The following ACTR5 variants were observed in gnomAD, a reference collection of about 807,000 sequenced individuals.
The protein encoded by ACTR5 is actin related protein 5, also known as actin-related protein 5.
A neutral mutation model predicts 61.2 loss-of-function variants in ACTR5; 43 were observed. The ratio of observed to expected loss-of-function variants is 0.70; its 90% CI spans 0.55 to 0.91. ACTR5 has a LOEUF of 0.91. ACTR5 is among the 40% of genes least tolerant of loss of function. The pLI is 0.00. For synonymous variants in ACTR5, 333 were observed against 310.5 expected, an observed-to-expected ratio of 1.07 and a Z score of -0.76; for missense variants, 798 against 782.2, an observed-to-expected ratio of 1.02 and a Z score of -0.24.
Position 38,750,378 on chromosome 20 carries a change from C to T in ACTR5, c.605+139C>T, listed in dbSNP as rs573901205. 7.3e-4 allele frequency: 511 copies of T among 701,698 alleles called. 3 individuals carry two copies. Among genetic ancestry groups the T allele is most frequent in the South Asian group, 6.7e-3 (357 of 53,126 alleles). The allele number at this position is 701,698 out of a possible 1,614,324, so 43.5% of individuals were successfully genotyped here. On this transcript the variant is annotated intron_variant, in intron 2 of 8. Transcript: ENST00000243903. The stretch of plus-strand genomic sequence containing the variant: ...GCCGTTGGGCTTAGCTTTGAACTAC[C>T]TCACTGTGTGACTGGGTAAGTCCCT...
At chr20:38,755,416 G>T (rs2084414140) in intron 4 of ACTR5, among the ~76,000 whole-genome samples, 1 of 152,112 alleles carries the variant, frequency 6.6e-6, no homozygotes, top group Non-Finnish European at 1.5e-5. Flanking sequence ...TTTAAACTTT[G>T]TAAGTGTAGC....
Position 38,752,306 on chromosome 20 carries a change from C to G in ACTR5, c.775+6C>G. ...CGCTGAGGATTATGTGGAAGGTATC[C>G]AAGAGGATGTTTGCCTGCAGCTTTT... On this transcript the variant is annotated splice_donor_region_variant and intron_variant, in intron 3 of 8. Transcript: ENST00000243903. The G allele has an allele frequency of 1.3e-6, 2 of 1,582,872 alleles. No homozygotes were observed. Among genetic ancestry groups the G allele is most frequent in the Non-Finnish European group, 1.7e-6 (2 of 1,158,032 alleles).
At chr20:38,770,277 A>G (rs189534879) in intron 8 of ACTR5, among the ~76,000 whole-genome samples, 2 of 152,346 alleles carry the variant, frequency 1.3e-5, no homozygotes, top group Admixed American at 1.3e-4. Context: ...GAACCCCAAG[A>G]TGTGCAAATT....
Position 38,771,579 on chromosome 20 carries a change from T to G in ACTR5, c.1587T>G (p.Pro529=), listed in dbSNP as rs1400478810. 1.9e-6 allele frequency: 3 copies of G among 1,613,776 alleles called. No homozygotes were observed. The South Asian group carries it at 3.3e-5, about 18-fold the overall frequency. Reference sequence around the variant, plus strand: ...TTCAGGTTCAACTTGCCTCGAACCCTGTGCTGGATGCCTGGTACGGTGCTC... The same window carrying G: ...TTCAGGTTCAACTTGCCTCGAACCCGGTGCTGGATGCCTGGTACGGTGCTC... ...SSFQVQLASN[P]VLDAWYGARD... The change falls in exon 9 of 9, where the codon CCT becomes CCG. Residue 529 remains proline (P), a synonymous_variant. Coordinates refer to ENST00000243903, the MANE Select transcript of ACTR5 (RefSeq NM_024855.4).
chr20:38,748,521 C>T lies in ACTR5; in HGVS notation c.43C>T (p.Pro15Ser), dbSNP rs929447779. 12 of 1,504,284 alleles carry T rather than the reference C, an allele frequency of 8.0e-6. No individual in the cohort carries two copies. The highest frequency in any genetic ancestry group is 1.2e-5 in the South Asian group (1 of 80,242). The allele number at this position is 1,504,284 out of a possible 1,614,324, so 93.2% of individuals were successfully genotyped here. ...CCCGTTCCGCGACGCCCGTGCCGCA[C>T]CGGACCCAGTGCTGGAGGCCGGCCC... Reference protein sequence around the residue: ...VFPFRDARAAPDPVLEAGPVA... With the variant: ...VFPFRDARAASDPVLEAGPVA... The change falls in exon 1 of 9, where the codon CCG becomes TCG. Residue 15 changes from proline to serine, a missense_variant. Pro to Ser is a moderately conservative substitution (Grantham distance 74, BLOSUM62 -1). Transcript: ENST00000243903.
At position 38,748,846 on chromosome 20, in the gene ACTR5, C is replaced by T; in HGVS notation, c.368C>T (p.Ser123Phe). 1.2e-6 allele frequency: 2 copies of T among 1,606,608 alleles called. No individual in the cohort carries two copies. The highest frequency in any genetic ancestry group is 1.7e-5 in the Admixed American group (1 of 59,546). The change falls in exon 1 of 9, where the codon TCC (serine) becomes TTC (phenylalanine). Residue 123 changes from serine (S) to phenylalanine (F), a missense_variant. Physicochemically the swap from Ser to Phe is radical, Grantham distance 155. Coordinates refer to ENST00000243903, the MANE Select transcript of ACTR5 (RefSeq NM_024855.4). ...LDYSFQHLGV[S>F]SQGCVDHPIV... The stretch of plus-strand genomic sequence containing the variant: ...TACAGCTTCCAGCACCTGGGTGTCT[C>T]CTCACAGGTGAAGGGCGGAGTAGGC...
chr20:38,757,000 A>G (rs186165176), intron 5 of ACTR5, among the ~76,000 whole-genome samples: 30 of 152,340 alleles, frequency 2.0e-4, no homozygotes, highest in Non-Finnish European at 3.5e-4. Context: ...TCATAGCTCA[A>G]TATAACCTCA....
chr20:38,766,258 A>G lies in ACTR5; in HGVS notation c.1314A>G (p.Ala438=), dbSNP rs759541539. ...TAAAGCCCGTGTTTAACTTGGCAGC[A>G]TATCATCAGCTATTTGTTGGGACAG... ...TTVQPVFNLA[A]YHQLFVGTER... is the part of the protein sequence containing the mutation. The change falls in exon 7 of 9, where the codon GCA becomes GCG. Residue 438 remains alanine (A), a synonymous_variant. Coordinates refer to ENST00000243903, the MANE Select transcript of ACTR5 (RefSeq NM_024855.4). 7.4e-6 allele frequency: 12 copies of G among 1,612,540 alleles called. No homozygotes were observed. Among genetic ancestry groups the G allele is most frequent in the African/African-American group, 4.0e-5 (3 of 74,874 alleles).
chr20:38,748,539 G>T lies in ACTR5; in HGVS notation c.61G>T (p.Ala21Ser). ...ARAAPDPVLE[A>S]GPVAHGPLPV... The stretch of plus-strand genomic sequence containing the variant: ...TGCCGCACCGGACCCAGTGCTGGAG[G>T]CCGGCCCGGTGGCACACGGGCCACT... Residue 21 changes from alanine (A) to serine (S), a missense_variant, in exon 1 of 9, where the codon GCC becomes TCC. Physicochemically the swap from Ala to Ser is moderately conservative, Grantham distance 99. Coordinates refer to ENST00000243903, the MANE Select transcript of ACTR5 (RefSeq NM_024855.4). 1 of 1,509,890 alleles carries T rather than the reference G, an allele frequency of 6.6e-7. No individual in the cohort carries two copies. 93.5% of individuals were successfully genotyped at this position (1,509,890 alleles called of 1,614,324 possible).
rs151028096 is a variant in ACTR5 at position 38,768,215 on chromosome 20, G to T, written c.1566+619G>T. Among the ~76,000 whole-genome samples the T allele has an allele frequency of 8.5e-5, 13 of 152,272 alleles. No homozygotes were observed. In the South Asian group the frequency reaches 1.0e-3, roughly 12 times the overall value. ...CTTTGGCTGTCTCAGTGGTAGGAAGGGGGTAATCGGTACCTGTTGCTGGGA... is the reference window on the plus strand; with the variant it reads ...CTTTGGCTGTCTCAGTGGTAGGAAGTGGGTAATCGGTACCTGTTGCTGGGA... On this transcript the variant is annotated intron_variant, in intron 8 of 8. Coordinates refer to ENST00000243903, the MANE Select transcript of ACTR5 (RefSeq NM_024855.4).
At position 38,772,287 on chromosome 20, in the gene ACTR5, G is replaced by T. The variant is rs1211483338; in HGVS notation, c.*471G>T. 7 of 171,378 alleles carry T rather than the reference G, an allele frequency of 4.1e-5. No homozygotes were observed. Among genetic ancestry groups the T allele is most frequent in the Non-Finnish European group, 7.6e-5 (6 of 79,110 alleles). 10.6% of individuals were successfully genotyped at this position (171,378 alleles called of 1,614,324 possible). A position where few individuals can be genotyped will look rare whatever the true frequency, so the allele number is the denominator to read the frequency against. On this transcript the variant is annotated 3_prime_UTR_variant, in exon 9 of 9. Coordinates refer to ENST00000243903, the MANE Select transcript of ACTR5 (RefSeq NM_024855.4). ...TCTTTCATGCATATAAAAAGGTAAT[G>T]TTTATTGCCGGGCACAGTGGCACGT...
intron 4 of ACTR5, among the ~76,000 whole-genome samples, chr20:38,755,553 G>T (rs1301178303): frequency 2.6e-5 from 4 of 151,452 alleles, no homozygotes; most frequent in Admixed American, 2.6e-4. Context: ...CTCCTTTCAT[G>T]TCTCCTCTTA....
In ACTR5 at chr20:38,772,199, C is replaced by T. The variant is rs1238158313; in HGVS notation, c.*383C>T. 6 of 204,870 alleles carry T rather than the reference C, an allele frequency of 2.9e-5. No homozygotes were observed. Among genetic ancestry groups the T allele is most frequent in the Admixed American group, 5.3e-5 (1 of 19,000 alleles). The allele number at this position is 204,870 out of a possible 1,614,324, so 12.7% of individuals were successfully genotyped here. A position where few individuals can be genotyped will look rare whatever the true frequency, so the allele number is the denominator to read the frequency against. On this transcript the variant is annotated 3_prime_UTR_variant, in exon 9 of 9. Coordinates refer to ENST00000243903, the MANE Select transcript of ACTR5 (RefSeq NM_024855.4). Reference sequence around the variant, plus strand: ...AAAATTCTTTAAAATTTATCTTGTCCGTGTAGATACTTTATTCTTCTGGAT... The same window carrying T: ...AAAATTCTTTAAAATTTATCTTGTCTGTGTAGATACTTTATTCTTCTGGAT...
chr20:38,759,815 G>A (rs1403839001), intron 5 of ACTR5, among the ~76,000 whole-genome samples: 1 of 152,156 alleles, frequency 6.6e-6, no homozygotes, highest in African/African-American at 2.4e-5. Flanking sequence ...GGTGGTAAAT[G>A]TGTGTGGGAA....
chr20:38,753,942 A>C (rs1406855), intron 3 of ACTR5, among the ~76,000 whole-genome samples: 31,408 of 122,322 alleles, frequency 0.26, 3,705 homozygotes, highest in Middle Eastern at 0.42. Flanking sequence ...TGTAGTTTTT[A>C]GTGGTTGCTT....
intron 8 of ACTR5, among the ~76,000 whole-genome samples, chr20:38,768,959 T>C (rs890016474): frequency 5.9e-5 from 9 of 152,178 alleles, no homozygotes. Context: ...AAGAGAAATA[T>C]TGGAAGCAGA....
rs1341877092 is a variant in ACTR5, at chr20:38,750,258, A to G, written c.605+19A>G. ...AAGGGAGGTGAGTTGCACTTGTGGC[A>G]TTTGAGTGCGATTTTGAGAAGCATT... is the stretch of plus-strand genomic sequence containing the variant. On this transcript the variant is annotated intron_variant, in intron 2 of 8. Transcript: ENST00000243903. The G allele has an allele frequency of 6.3e-7, 1 of 1,598,316 alleles. No homozygotes were observed. Among genetic ancestry groups the G allele is most frequent in the Non-Finnish European group, 8.6e-7 (1 of 1,167,666 alleles).
chr20:38,768,830 T>A (rs566490999), intron 8 of ACTR5, among the ~76,000 whole-genome samples: 2 of 152,208 alleles, frequency 1.3e-5, no homozygotes, highest in African/African-American at 2.4e-5. Flanking sequence ...TTAACTCTTT[T>A]CTGCACAGCT....
rs772957767 is a variant in ACTR5, at chr20:38,767,537, A to G, written c.1507A>G (p.Met503Val). 2.2e-5 allele frequency: 35 copies of G among 1,614,186 alleles called. No individual in the cohort carries two copies. The South Asian group carries it at 3.3e-4, about 15-fold the overall frequency. The change falls in exon 8 of 9, where the codon ATG becomes GTG. Residue 503 changes from methionine (M) to valine (V), a missense_variant. By Grantham distance (21) the Met-to-Val change is conservative. Transcript: ENST00000243903. ...TGGCGGCAACACGATGTATCCTGGC[A>G]TGAAAGCCAGAATGGAGAAGGAACT... ...LTGGNTMYPG[M>V]KARMEKELLE...
Sources: allele counts gnomAD v4.1 joint callset (sites outside exome capture counted in the v4.1 genomes callset), GRCh38; gene constraint gnomAD v4.1.1; transcripts MANE v1.5; gene names NCBI Gene and HGNC (gene_info 2026-07-23, HGNC 2026-07-21).